The following ZNF836 variants were observed in gnomAD, a reference collection of about 807,000 sequenced individuals.
ZNF836 encodes the protein zinc finger protein 836.
ZNF836 carries 12 observed loss-of-function variants against 7.4 expected under a neutral mutation model. The ratio of observed to expected loss-of-function variants is 1.61; its 90% CI spans 1.03 to 2.61. The LOEUF (loss-of-function observed/expected upper bound fraction) is 2.61, where lower values mean the gene tolerates loss of function less well. ZNF836 is among the 30% of genes most tolerant of loss of function. ZNF836 has a pLI of 0.00. For missense variants in ZNF836, 998 were observed against 1,126.2 expected (o/e 0.89, Z 1.63); for synonymous variants, 365 against 382.6 (o/e 0.95, Z 0.54).
At chr19:52,162,853 A>G (rs1038099578) in intron 3 of ZNF836, among the ~76,000 whole-genome samples, 3 of 152,188 alleles carry the variant, frequency 2.0e-5, no homozygotes, top group Non-Finnish European at 4.4e-5. Context: ...CACATCCTGC[A>G]TTCATGGTAA....
intron 3 of ZNF836, among the ~76,000 whole-genome samples, chr19:52,166,780 CT>C (rs2089268689): frequency 6.6e-6 from 1 of 150,932 alleles, no homozygotes; most frequent in Non-Finnish European, 1.5e-5. Flanking sequence ...GGGGTTTCAC[CT>C]TGTTAGCCAG....
At chr19:52,171,000 G>C (rs1244758511) in intron 1 of ZNF836, among the ~76,000 whole-genome samples, 1 of 152,154 alleles carries the variant, frequency 6.6e-6, no homozygotes, top group Non-Finnish European at 1.5e-5. Flanking sequence ...GGCGTGAGGA[G>C]GACACAAGGT....
intron 4 of ZNF836, among the ~76,000 whole-genome samples, chr19:52,158,136 CAT>C (rs1480168728): frequency 6.6e-6 from 1 of 152,096 alleles, no homozygotes. Flanking sequence ...GTTGTGCAAA[CAT>C]ATATTAGCAC....
Position 52,160,540 on chromosome 19 carries a change from T to C in ZNF836, c.67A>G (p.Lys23Glu). Residue 23 changes from lysine to glutamate, a missense_variant, in exon 4 of 5, where the codon AAA (lysine) becomes GAA (glutamate). Transcript: ENST00000682614. ...GCTTTCTGCACAGGGTCCAGGGATTTCCACTCCTCCTGAGAGAATTCTATG... is the reference window on the plus strand; with the variant it reads ...GCTTTCTGCACAGGGTCCAGGGATTCCCACTCCTCCTGAGAGAATTCTATG... ...VAIEFSQEEWKSLDPVQKALY... is the reference protein window; with the variant it reads ...VAIEFSQEEWESLDPVQKALY... The C allele has an allele frequency of 6.2e-7, 1 of 1,613,852 alleles. No individual in the cohort carries two copies. Among genetic ancestry groups the C allele is most frequent in the Non-Finnish European group, 8.5e-7 (1 of 1,179,938 alleles).
Position 52,155,829 on chromosome 19 carries a change from G to T in ZNF836, c.1854C>A (p.Val618=). 6.2e-7 allele frequency: 1 copy of T among 1,613,986 alleles called. No individual in the cohort carries two copies. The highest frequency in any genetic ancestry group is 8.5e-7 in the Non-Finnish European group (1 of 1,179,900). The change falls in exon 5 of 5, where the codon GTC becomes GTA. Residue 618 remains valine (V), a synonymous_variant. Coordinates refer to ENST00000682614, the MANE Select transcript of ZNF836 (RefSeq NM_001102657.3). ...TTGAAAGGTTTCCACTGTCATTGAA[G>T]ACCTTGCCACACACATTACATTTGT... The part of the protein sequence containing the change: ...KPYKCNVCGK[V]FNDSGNLSNH...
In ZNF836 at chr19:52,160,706, G is replaced by T. The variant is rs558307572; in HGVS notation, c.16-115C>A. ...TGATTGTGTGTTTTCACATATCCAT[G>T]CAAGGCATCTGTGAGAAGGTTATGT... On this transcript the variant is annotated intron_variant, in intron 3 of 4. Transcript: ENST00000682614. 10 of 1,305,232 alleles carry T rather than the reference G, an allele frequency of 7.7e-6. No individual in the cohort carries two copies. The South Asian group carries it at 9.3e-5, about 12-fold the overall frequency. 80.9% of individuals were successfully genotyped at this position (1,305,232 alleles called of 1,614,324 possible).
intron 1 of ZNF836, among the ~76,000 whole-genome samples, chr19:52,170,990 G>A (rs1322815076): frequency 6.6e-6 from 1 of 152,248 alleles, no homozygotes; most frequent in Non-Finnish European, 1.5e-5. Context: ...GAAAGGACCC[G>A]GCGTGAGGAG....
At chr19:52,163,228 A>G (rs2089229620) in intron 3 of ZNF836, among the ~76,000 whole-genome samples, 1 of 152,140 alleles carries the variant, frequency 6.6e-6, no homozygotes, top group South Asian at 2.1e-4. Context: ...TTCTATCCAT[A>G]CTAATCTCCT....
In ZNF836 at chr19:52,155,080, C is replaced by T. The variant is rs746989323; in HGVS notation, c.2603G>A (p.Gly868Asp). 1 of 1,614,164 alleles carries T rather than the reference C, an allele frequency of 6.2e-7. No homozygotes were observed. The highest frequency in any genetic ancestry group is 1.1e-5 in the South Asian group (1 of 91,078). The change falls in exon 5 of 5, where the codon GGC (glycine) becomes GAC (aspartate). Residue 868 changes from glycine to aspartate, a missense_variant. Transcript: ENST00000682614. Reference sequence around the variant, plus strand: ...GCAAGAAAACCGCCCAAAGGCCTTGCCACATTCAATACATTTGTATGGCTT... The same window carrying T: ...GCAAGAAAACCGCCCAAAGGCCTTGTCACATTCAATACATTTGTATGGCTT... ...GEKPYKCIEC[G>D]KAFGRFSCLN...
At chr19:52,168,310 T>C (rs1359055754) in intron 2 of ZNF836, among the ~76,000 whole-genome samples, 158 bp from the exon 3 acceptor site, 3 of 152,092 alleles carry the variant, frequency 2.0e-5, no homozygotes, top group Admixed American at 6.6e-5. Flanking sequence ...CCAAGTGTCC[T>C]GGCATGGTGG....
At chr19:52,165,913 T>G (rs2089258521) in intron 3 of ZNF836, among the ~76,000 whole-genome samples, 1 of 152,256 alleles carries the variant, frequency 6.6e-6, no homozygotes, top group African/African-American at 2.4e-5. Context: ...GCTCAATTTT[T>G]TTTTACTGCA....
At position 52,156,969 on chromosome 19, in the gene ZNF836, C is replaced by G; in HGVS notation, c.714G>C (p.Met238Ile). The G allele has an allele frequency of 6.2e-7, 1 of 1,614,106 alleles. No individual in the cohort carries two copies. Among genetic ancestry groups the G allele is most frequent in the South Asian group, 1.1e-5 (1 of 91,080 alleles). Residue 238 changes from methionine to isoleucine, a missense_variant, in exon 5 of 5, where the codon ATG becomes ATC. By Grantham distance (10) the Met-to-Ile change is conservative (BLOSUM62 1). Coordinates refer to ENST00000682614, the MANE Select transcript of ZNF836 (RefSeq NM_001102657.3). The stretch of plus-strand genomic sequence containing the variant: ...TGTAAGGTTTCTCTGTAGTATGTAC[C>G]ATCTGATGGTTAATAAGACTTGAAG... Reference protein sequence around the residue: ...RVSSSLINHQMVHTTEKPYKC... With the variant: ...RVSSSLINHQIVHTTEKPYKC...
At chr19:52,167,223 G>A (rs536771318) in intron 3 of ZNF836, among the ~76,000 whole-genome samples, 1 of 151,862 alleles carries the variant, frequency 6.6e-6, no homozygotes, top group African/African-American at 2.4e-5. Context: ...TGTAATCCCT[G>A]CATTTTGGGA....
At chr19:52,170,505 C>G (rs2089299217) in intron 1 of ZNF836, 1 of 152,598 alleles carries the variant, frequency 6.6e-6, no homozygotes, top group Non-Finnish European at 1.5e-5. Flanking sequence ...CTGTCGGCTG[C>G]GGCTCCAACT....
intron 3 of ZNF836, among the ~76,000 whole-genome samples, chr19:52,163,397 C>A (rs897513110): frequency 2.0e-5 from 3 of 152,160 alleles, no homozygotes; most frequent in African/African-American, 7.2e-5. Flanking sequence ...TTACTATAAA[C>A]AGGTCAGAGA....
rs35116958 is a variant in ZNF836, at chr19:52,161,652, GAAAA to G, written c.16-1065_16-1062del. The stretch of plus-strand genomic sequence containing the variant: ...AAGTTTCAACATGAATTGTGGAGGA[GAAAA>G]AAAAAAAAAACTCAGACTGTAACAT... On this transcript the variant is annotated intron_variant, in intron 3 of 4. Coordinates refer to ENST00000682614, the MANE Select transcript of ZNF836 (RefSeq NM_001102657.3). This position sits in a 1 kb window ranked among gnomAD's most constrained non-coding sequence, Gnocchi z 4.1. 2.1e-5 allele frequency among the ~76,000 whole-genome samples: 3 copies of G among 140,262 alleles called. No homozygotes were observed. Among genetic ancestry groups the G allele is most frequent in the African/African-American group, 7.6e-5 (3 of 39,362 alleles). The allele number at this position is 140,262 out of a possible 152,430, so 92.0% of individuals were successfully genotyped here. A position where few individuals can be genotyped will look rare whatever the true frequency, so the allele number is the denominator to read the frequency against.
intron 3 of ZNF836, among the ~76,000 whole-genome samples, chr19:52,167,456 G>A (rs1259905242): frequency 4.6e-5 from 2 of 43,826 alleles, no homozygotes; most frequent in Admixed American, 7.5e-4. Context: ...TGGGCAACAA[G>A]AACGAAACTC....
Position 52,156,910 on chromosome 19 carries a change from C to A in ZNF836, c.773G>T (p.Gly258Val). 6.2e-7 allele frequency: 1 copy of A among 1,614,076 alleles called. No individual in the cohort carries two copies. Among genetic ancestry groups the A allele is most frequent in the East Asian group, 2.2e-5 (1 of 44,864 alleles). Residue 258 changes from glycine (G) to valine (V), a missense_variant, in exon 5 of 5, where the codon GGC becomes GTC. Transcript: ENST00000682614. Reference protein sequence around the residue: ...CNECGKAFHRGSLLTIHQIVH... With the variant: ...CNECGKAFHRVSLLTIHQIVH... ...TATCTGATGTATAGTTAGTAGTGAG[C>A]CCCGATGAAAGGCTTTGCCACATTC...
intron 3 of ZNF836, among the ~76,000 whole-genome samples, chr19:52,164,110 G>A (rs1265330782): frequency 6.6e-6 from 1 of 150,768 alleles, no homozygotes; most frequent in African/African-American, 2.4e-5. Flanking sequence ...GAGAGTAATG[G>A]CCGGGTGCAG....
Sources: gnomAD v4.1 joint callset for allele counts (sites outside exome capture counted in the v4.1 genomes callset) on GRCh38, gnomAD v4.1.1 for gene constraint, Gnocchi (gnomAD v3.1) non-coding constraint, MANE v1.5 for transcripts, NCBI Gene and HGNC (gene_info 2026-07-23, HGNC 2026-07-21) for gene names.